The following TENM4 variants were observed in gnomAD, a reference collection of about 807,000 sequenced individuals.
TENM4 encodes teneurin transmembrane protein 4.
TENM4 carries 82 observed loss-of-function variants against 243.3 expected under a neutral mutation model. The ratio of observed to expected loss-of-function variants is 0.34; its 90% CI spans 0.28 to 0.40. The LOEUF is 0.40. Ranked by LOEUF, TENM4 falls within the 10% of genes least tolerant of loss-of-function variation. The pLI is 1.00. For missense variants in TENM4, 3,138 were observed against 3,673.3 expected (o/e 0.85, Z 3.77); for synonymous variants, 1,412 against 1,456.3 (o/e 0.97, Z 0.69).
intron 19 of TENM4, chr11:78,756,582 A>G: frequency 3.7e-6 from 2 of 534,078 alleles, no homozygotes; most frequent in Non-Finnish European, 3.4e-6. Context: ...ACCCAGTGGG[A>G]GCAACAAAAC....
chr11:78,905,084 C>G (rs1424772723), intron 6 of TENM4, among the ~76,000 whole-genome samples: 1 of 152,182 alleles, frequency 6.6e-6, no homozygotes, highest in Non-Finnish European at 1.5e-5. Context: ...TTTGGGGGAT[C>G]ACAGGGCTAC....
At chr11:79,236,468 T>C (rs186806701) in intron 2 of TENM4, among the ~76,000 whole-genome samples, 45 of 152,316 alleles carry the variant, frequency 3.0e-4, no homozygotes, top group African/African-American at 1.1e-3. Flanking sequence ...CATCATTTCA[T>C]GCTTTTGAAG....
chr11:78,683,828 C>T (rs117753164), intron 29 of TENM4, among the ~76,000 whole-genome samples: 4,179 of 152,262 alleles, frequency 0.027, 117 homozygotes, highest in Admixed American at 0.057. Context: ...ATGAAACTTA[C>T]GGTGAAAAAA....
chr11:78,919,804 C>A (rs1335346709), intron 6 of TENM4, among the ~76,000 whole-genome samples: 1 of 152,028 alleles, frequency 6.6e-6, no homozygotes, highest in Admixed American at 6.5e-5. Flanking sequence ...AGCTGGGAGT[C>A]ATGCCTAACC....
At chr11:79,324,609 T>A (rs1156472364) in intron 1 of TENM4, among the ~76,000 whole-genome samples, 1 of 152,142 alleles carries the variant, frequency 6.6e-6, no homozygotes, top group Admixed American at 6.5e-5. Context: ...GATGGCCAAC[T>A]GTATGGATAC....
At chr11:79,247,386 C>T (rs1003827473) in intron 2 of TENM4, among the ~76,000 whole-genome samples, 1 of 140,862 alleles carries the variant, frequency 7.1e-6, no homozygotes, top group African/African-American at 2.7e-5. Context: ...CACTGCATTC[C>T]AGCCTGCCCA....
At chr11:78,951,692 A>C (rs1477928900) in intron 6 of TENM4, among the ~76,000 whole-genome samples, 1 of 152,022 alleles carries the variant, frequency 6.6e-6, no homozygotes, top group African/African-American at 2.4e-5. Context: ...TTCCTCTTTT[A>C]TAAGGACACT....
At chr11:79,115,136 A>G (rs750532169) in intron 4 of TENM4, among the ~76,000 whole-genome samples, 2 of 152,170 alleles carry the variant, frequency 1.3e-5, no homozygotes, top group Non-Finnish European at 2.9e-5. Flanking sequence ...GAGGCAAACT[A>G]TTTGAGTTAG....
At chr11:79,342,590 C>T (rs759869877) in intron 1 of TENM4, among the ~76,000 whole-genome samples, 1 of 152,202 alleles carries the variant, frequency 6.6e-6, no homozygotes, top group African/African-American at 2.4e-5. Flanking sequence ...CAGGGGTTCT[C>T]AGTCCTGGCT....
intron 27 of TENM4, among the ~76,000 whole-genome samples, chr11:78,703,951 A>G (rs889605326): frequency 6.7e-6 from 1 of 150,146 alleles, no homozygotes; most frequent in Non-Finnish European, 1.5e-5. Context: ...TTCCAGGCTA[A>G]AGCGATCCTC....
chr11:79,253,277 G>T (rs935149215), intron 2 of TENM4, among the ~76,000 whole-genome samples: 1 of 152,160 alleles, frequency 6.6e-6, no homozygotes, highest in Admixed American at 6.5e-5. Context: ...CCTGACCACC[G>T]TAAGGCCTGA....
At chr11:78,957,473 A>C (rs1857231293) in intron 6 of TENM4, among the ~76,000 whole-genome samples, 1 of 152,246 alleles carries the variant, frequency 6.6e-6, no homozygotes, top group Admixed American at 6.5e-5. Context: ...AGGGACTCTG[A>C]ATAGGTTCTC....
At chr11:79,415,256 G>T (rs960686215) in intron 1 of TENM4, among the ~76,000 whole-genome samples, 2 of 152,164 alleles carry the variant, frequency 1.3e-5, no homozygotes, top group Non-Finnish European at 2.9e-5. Flanking sequence ...CAACCAAAAA[G>T]AACAAACTGT....
At chr11:78,957,005 C>G (rs1445668392) in intron 6 of TENM4, among the ~76,000 whole-genome samples, 1 of 152,126 alleles carries the variant, frequency 6.6e-6, no homozygotes, top group Non-Finnish European at 1.5e-5. Flanking sequence ...TTTAAAGGGT[C>G]TCTCTGTTTA....
In TENM4 at chr11:78,655,020, G is replaced by A. The variant is rs986275463; in HGVS notation, c.*3038C>T. On this transcript the variant is annotated 3_prime_UTR_variant, in exon 34 of 34. Transcript: ENST00000278550. ...TCGAATGAACAGATTTGGTTGGTGA[G>A]TGTCAAAAGGGCCGGTCCTCTCAGG... The A allele has an allele frequency of 1.3e-5, 2 of 152,326 alleles. No individual in the cohort carries two copies. Among genetic ancestry groups the A allele is most frequent in the African/African-American group, 2.4e-5 (1 of 41,430 alleles). 9.4% of individuals were successfully genotyped at this position (152,326 alleles called of 1,614,324 possible).
rs1857889023 is a variant in TENM4 at position 78,656,142 on chromosome 11, A to C, written c.*1916T>G. 6.6e-6 allele frequency: 1 copy of C among 152,240 alleles called. No individual in the cohort carries two copies. The highest frequency in any genetic ancestry group is 1.5e-5 in the Non-Finnish European group (1 of 68,076). The allele number at this position is 152,240 out of a possible 1,614,324, so 9.4% of individuals were successfully genotyped here. On this transcript the variant is annotated 3_prime_UTR_variant, in exon 34 of 34. Coordinates refer to ENST00000278550, the MANE Select transcript of TENM4 (RefSeq NM_001098816.3). Reference sequence around the variant, plus strand: ...TGCCTCCCTCTGCCAGGCAGAACCCAGACTACATGCTGCTCCGATCCTCAT... The same window carrying C: ...TGCCTCCCTCTGCCAGGCAGAACCCCGACTACATGCTGCTCCGATCCTCAT...
At chr11:79,167,376 A>G (rs1862937641) in intron 3 of TENM4, among the ~76,000 whole-genome samples, 1 of 152,204 alleles carries the variant, frequency 6.6e-6, no homozygotes, top group Admixed American at 6.5e-5. Context: ...GATGGCTAAC[A>G]TATATTGAGC....
chr11:79,223,074 G>T (rs181663652), intron 2 of TENM4, among the ~76,000 whole-genome samples: 2 of 151,948 alleles, frequency 1.3e-5, no homozygotes, highest in Non-Finnish European at 2.9e-5. Context: ...GCAGCACACC[G>T]CCATGGCACA....
intron 6 of TENM4, among the ~76,000 whole-genome samples, chr11:79,005,611 A>G (rs1031206755): frequency 6.6e-6 from 1 of 152,206 alleles, no homozygotes; most frequent in African/African-American, 2.4e-5. Flanking sequence ...CCTCAAAATA[A>G]TAACAGCCAT....
Sources: allele counts gnomAD v4.1 joint callset (sites outside exome capture counted in the v4.1 genomes callset), GRCh38; gene constraint gnomAD v4.1.1; transcripts MANE v1.5; gene names NCBI Gene and HGNC (gene_info 2026-07-23, HGNC 2026-07-21).